The following SEM1 variants were observed in gnomAD, a reference collection of about 807,000 sequenced individuals.
SEM1 encodes SEM1 26S proteasome subunit, also known as 26S proteasome complex subunit SEM1.
A neutral mutation model predicts 12.7 loss-of-function variants in SEM1; 3 were observed. That is an observed-to-expected ratio of 0.24 (90% CI 0.11 to 0.61). The LOEUF is 0.61. Ranked by LOEUF, SEM1 falls within the 20% of genes least tolerant of loss-of-function variation. The pLI, the probability that SEM1 is intolerant of heterozygous loss-of-function variation, is 0.88. For synonymous variants in SEM1, 30 were observed against 27.8 expected (o/e 1.08, Z -0.25); for missense variants, 59 against 81.3 (o/e 0.73, Z 1.06).
intron 2 of SEM1, among the ~76,000 whole-genome samples, chr7:96,559,752 T>C (rs1397615969): frequency 1.3e-5 from 2 of 152,246 alleles, no homozygotes; most frequent in East Asian, 1.9e-4. Flanking sequence ...ATACACAACC[T>C]AGTTCCCTTA....
intron 2 of SEM1, among the ~76,000 whole-genome samples, chr7:96,532,224 G>A (rs1804664018): frequency 6.6e-6 from 1 of 152,006 alleles, no homozygotes; most frequent in Non-Finnish European, 1.5e-5. Context: ...AATATTTTCT[G>A]GGATGAGCCC....
intron 1 of SEM1, among the ~76,000 whole-genome samples, chr7:96,492,924 T>C (rs1204876177): frequency 5.3e-5 from 8 of 152,078 alleles, no homozygotes; most frequent in African/African-American, 1.9e-4. Context: ...CTACTTTCAA[T>C]TATTTCTGGT....
At chr7:96,613,076 A>G (rs886796628) in intron 2 of SEM1, among the ~76,000 whole-genome samples, 6 of 152,354 alleles carry the variant, frequency 3.9e-5, no homozygotes, top group Admixed American at 1.3e-4. Flanking sequence ...GTAGAGAGAA[A>G]AAGTTGTGTT....
intron 2 of SEM1, among the ~76,000 whole-genome samples, chr7:96,521,749 A>G (rs1234198597): frequency 6.6e-6 from 1 of 152,070 alleles, no homozygotes; most frequent in Non-Finnish European, 1.5e-5. Flanking sequence ...CAAATATCCA[A>G]ATTTGCAGCC....
At chr7:96,586,085 CGCCTTG>C (rs1465018749) in intron 2 of SEM1, among the ~76,000 whole-genome samples, 15 of 152,170 alleles carry the variant, frequency 9.9e-5, no homozygotes, top group African/African-American at 3.6e-4. Flanking sequence ...GTGATCCTCT[CGCCTTG>C]GCCTCCCAAA....
chr7:96,571,249 T>A (rs533873651), intron 2 of SEM1, among the ~76,000 whole-genome samples: 3 of 152,208 alleles, frequency 2.0e-5, no homozygotes, highest in Admixed American at 6.5e-5. Context: ...TTGCCATGCT[T>A]TTGGTGTTTT....
intron 1 of SEM1, chr7:96,697,224 T>G (rs1790125080): frequency 6.6e-6 from 1 of 151,826 alleles, no homozygotes; most frequent in South Asian, 2.1e-4. Flanking sequence ...AAATAACCAG[T>G]AACAGATGCC....
chr7:96,656,969 T>A (rs1446137132), intron 2 of SEM1, among the ~76,000 whole-genome samples: 3 of 152,110 alleles, frequency 2.0e-5, no homozygotes, highest in Admixed American at 2.0e-4. Flanking sequence ...TGTTAAAATG[T>A]GCAGTCTATA....
At chr7:96,694,320 C>T (rs942936837) in intron 2 of SEM1, among the ~76,000 whole-genome samples, 4 of 151,934 alleles carry the variant, frequency 2.6e-5, no homozygotes, top group African/African-American at 9.7e-5. Flanking sequence ...GAACTGTACA[C>T]TTTCAAATGC....
At chr7:96,587,170 T>A (rs899031329) in intron 2 of SEM1, among the ~76,000 whole-genome samples, 8 of 152,206 alleles carry the variant, frequency 5.3e-5, no homozygotes, top group Admixed American at 1.3e-4. Flanking sequence ...GAGATTTTTT[T>A]AAAAATAGGA....
intron 2 of SEM1, among the ~76,000 whole-genome samples, chr7:96,532,106 T>A (rs1325756005): frequency 1.3e-5 from 2 of 152,104 alleles, no homozygotes; most frequent in Non-Finnish European, 2.9e-5. Context: ...ATAGGGGCTG[T>A]ATTAATATAT....
intron 1 of SEM1, among the ~76,000 whole-genome samples, chr7:96,702,992 C>T (rs1009863871): frequency 6.6e-6 from 1 of 152,060 alleles, no homozygotes; most frequent in Non-Finnish European, 1.5e-5. Flanking sequence ...ACTAAAGAGA[C>T]AGGACAAGAT....
chr7:96,560,481 G>A (rs1805659333), intron 2 of SEM1, among the ~76,000 whole-genome samples: 1 of 151,756 alleles, frequency 6.6e-6, no homozygotes, highest in South Asian at 2.1e-4. Context: ...TTTCTGTTTG[G>A]CTTTTTGTTT....
At chr7:96,501,906 G>A (rs1803569913) in intron 3 of SEM1, among the ~76,000 whole-genome samples, 1 of 151,940 alleles carries the variant, frequency 6.6e-6, no homozygotes, top group African/African-American at 2.4e-5. Flanking sequence ...CAAAGTGTCT[G>A]TTGTTATAAC....
chr7:96,582,602 T>G (rs538399078), intron 2 of SEM1, among the ~76,000 whole-genome samples: 3 of 152,368 alleles, frequency 2.0e-5, no homozygotes, highest in Admixed American at 2.0e-4. Flanking sequence ...TGTCTGGTCC[T>G]AGACTCTTTT....
At chr7:96,580,208 G>T (rs1391395311) in intron 2 of SEM1, among the ~76,000 whole-genome samples, 2 of 147,122 alleles carry the variant, frequency 1.4e-5, no homozygotes, top group Non-Finnish European at 3.0e-5. Context: ...CTATGAGTGA[G>T]AATATGCGGT....
intron 2 of SEM1, among the ~76,000 whole-genome samples, chr7:96,554,132 C>T (rs1323703959): frequency 3.9e-4 from 58 of 150,332 alleles, no homozygotes; most frequent in Non-Finnish European, 7.7e-4. Flanking sequence ...ACAATCATGT[C>T]GTCTGCAAAC....
At chr7:96,675,779 A>G (rs941742748) in intron 2 of SEM1, among the ~76,000 whole-genome samples, 5 of 152,146 alleles carry the variant, frequency 3.3e-5, no homozygotes, top group African/African-American at 1.2e-4. Flanking sequence ...GATGCAAAGG[A>G]AGAGGACATG....
chr7:96,650,218 T>C (rs939711002), intron 2 of SEM1: 9 of 377,214 alleles, frequency 2.4e-5, no homozygotes, highest in Non-Finnish European at 4.2e-5. Context: ...AAAAATATTT[T>C]TTCCTATGGG....
Sources: allele counts gnomAD v4.1 joint callset (sites outside exome capture counted in the v4.1 genomes callset), GRCh38; gene constraint gnomAD v4.1.1; transcripts MANE v1.5; gene names NCBI Gene and HGNC (gene_info 2026-07-23, HGNC 2026-07-21).